Variants in MMP9 observed in about 807,000 individuals in gnomAD.
The protein encoded by MMP9 is matrix metallopeptidase 9, also known as matrix metalloproteinase-9.
MMP9 carries 73 observed loss-of-function variants against 76.4 expected under a neutral mutation model. That is an observed-to-expected ratio of 0.96 (90% CI 0.79 to 1.16). The LOEUF is 1.16. Among genes scored for constraint, MMP9 ranks in the 50% most tolerant of loss-of-function variants. The pLI is 0.00. For synonymous variants in MMP9, 412 were observed against 408.4 expected, an observed-to-expected ratio of 1.01 and a Z score of -0.11; for missense variants, 943 against 973.0, an observed-to-expected ratio of 0.97 and a Z score of 0.41.
At chr20:46,016,128 T>C in intron 12 of MMP9, 122 bp from the exon 13 acceptor site, 1 of 951,038 alleles carries the variant, frequency 1.1e-6, no homozygotes, top group Non-Finnish European at 1.7e-6. Context: ...ATGGAGGTGA[T>C]ATGTGAAAAC....
rs202080995 is a variant in MMP9, at chr20:46,012,168, G to C, written c.1029G>C (p.Ala343=). Residue 343 remains alanine, a synonymous_variant, in exon 7 of 13, where the codon GCG becomes GCC. Transcript: ENST00000372330. The part of the protein sequence containing the change: ...ADSTVMGGNS[A]GELCVFPFTF... ...CGACGGTGATGGGGGGCAACTCGGC[G>C]GGGGAGCTGTGCGTCTTCCCCTTCA... The C allele has an allele frequency of 1.2e-6, 2 of 1,614,052 alleles. No individual in the cohort carries two copies. The highest frequency in any genetic ancestry group is 1.7e-6 in the Non-Finnish European group (2 of 1,180,028).
chr20:46,010,343 A>AAAAAAAAAAAAAATT, intron 2 of MMP9, 140 bp from the exon 3 acceptor site: 1 of 926,564 alleles, frequency 1.1e-6, no homozygotes, highest in Non-Finnish European at 1.6e-6. Flanking sequence ...AAAAAAAAAC[A>AAAAAAAAAAAAAATT]GTCTGGAAGC....
chr20:46,010,331 A>AAAAAAAAAAAAC (rs2084269882), intron 2 of MMP9, 152 bp from the exon 3 acceptor site: 4 of 762,164 alleles, frequency 5.2e-6, no homozygotes, highest in Non-Finnish European at 8.2e-6. Flanking sequence ...CAAAAAAAAA[A>AAAAAAAAAAAAC]AAAAAAAAAA....
rs2084302035 is a variant in MMP9 at position 46,013,858 on chromosome 20, G to T, written c.1750+62G>T. ...CCCCATCAGTCAAGGAGGCTCAAGAGACCATCGATAACCCACGAAACGTCT... is the reference window on the plus strand; with the variant it reads ...CCCCATCAGTCAAGGAGGCTCAAGATACCATCGATAACCCACGAAACGTCT... On this transcript the variant is annotated intron_variant, in intron 10 of 12. Coordinates refer to ENST00000372330, the MANE Select transcript of MMP9 (RefSeq NM_004994.3). This position sits in a 1 kb window ranked among gnomAD's most constrained non-coding sequence, Gnocchi z 4.5. The T allele has an allele frequency of 1.2e-6, 2 of 1,603,760 alleles. No homozygotes were observed. Among genetic ancestry groups the T allele is most frequent in the African/African-American group, 2.7e-5 (2 of 74,820 alleles).
In MMP9 at chr20:46,013,130, G is replaced by C. The variant is rs2084294957; in HGVS notation, c.1331-125G>C. 1 of 1,120,676 alleles carries C rather than the reference G, an allele frequency of 8.9e-7. No homozygotes were observed. The highest frequency in any genetic ancestry group is 2.3e-5 in the East Asian group (1 of 42,650). The allele number at this position is 1,120,676 out of a possible 1,614,324, so 69.4% of individuals were successfully genotyped here. A position where few individuals can be genotyped will look rare whatever the true frequency, so the allele number is the denominator to read the frequency against. ...AAGAAAGTCCTGTGGTTTGGGAAGG[G>C]AGGCTGAGTGAGGAGGGGCCTGTGT... On this transcript the variant is annotated intron_variant, in intron 8 of 12. Transcript: ENST00000372330. The surrounding 1 kb of genome is among the most constrained non-coding windows in gnomAD (Gnocchi z 4.5).
chr20:46,016,232 C>A lies in MMP9; in HGVS notation c.2006-18C>A, dbSNP rs1420039062. Reference sequence around the variant, plus strand: ...GAGAATTAGAATCACTCCTCTTATGCCTGCCTGTCTCCTGCAGAGAAAGCC... The same window carrying A: ...GAGAATTAGAATCACTCCTCTTATGACTGCCTGTCTCCTGCAGAGAAAGCC... On this transcript the variant is annotated intron_variant, in intron 12 of 12. Transcript: ENST00000372330. The A allele has an allele frequency of 6.2e-7, 1 of 1,601,794 alleles. No individual in the cohort carries two copies. Among genetic ancestry groups the A allele is most frequent in the Non-Finnish European group, 8.6e-7 (1 of 1,168,742 alleles).
intron 6 of MMP9, 74 bp from the exon 7 acceptor site, chr20:46,012,045 CCACCAAGATTGTTTAGCT>C: frequency 6.6e-7 from 1 of 1,520,570 alleles, no homozygotes; most frequent in Non-Finnish European, 9.0e-7. Flanking sequence ...GCCCCCTAGG[CCACCAAGATTGTTTAGCT>C]CCCTGTCGGG....
intron 12 of MMP9, chr20:46,014,778 C>CA: frequency 2.1e-6 from 1 of 467,264 alleles, no homozygotes; most frequent in Non-Finnish European, 3.9e-6. Context: ...GATAATGTGC[C>CA]AGGCACTGTG....
chr20:46,009,302 G>A (rs2084261330), intron 1 of MMP9, among the ~76,000 whole-genome samples: 1 of 152,048 alleles, frequency 6.6e-6, no homozygotes, highest in Admixed American at 6.6e-5. Flanking sequence ...ATGGTTTGGG[G>A]TGGGGGAGGC....
At chr20:46,012,004 G>A in intron 6 of MMP9, 133 bp from the exon 7 acceptor site, 1 of 1,265,514 alleles carries the variant, frequency 7.9e-7, no homozygotes, top group Non-Finnish European at 1.1e-6. Flanking sequence ...CCGCCCACGG[G>A]TCTAGCCTCT....
rs1304730224 is a variant in MMP9 at position 46,010,339 on chromosome 20, A to C, written c.372-144A>C. 12 of 920,516 alleles carry C rather than the reference A, an allele frequency of 1.3e-5. No homozygotes were observed. The Admixed American group carries it at 1.3e-4, about 10-fold the overall frequency. The allele number at this position is 920,516 out of a possible 1,614,324, so 57.0% of individuals were successfully genotyped here. ...AAGTAGACAAAAAAAAAAAAAAAAA[A>C]AACAGTCTGGAAGCAATTTATAGAT... On this transcript the variant is annotated intron_variant, in intron 2 of 12. Transcript: ENST00000372330.
chr20:46,012,671 G>C, intron 8 of MMP9, 89 bp downstream of exon 8: 4 of 1,479,510 alleles, frequency 2.7e-6, no homozygotes, highest in African/African-American at 1.4e-5. Context: ...ATCGGGGGAG[G>C]AACGGGGCGT....
rs1322555632 is a variant in MMP9, at chr20:46,013,613, T to C, written c.1611-44T>C. 1.2e-6 allele frequency: 2 copies of C among 1,612,978 alleles called. No individual in the cohort carries two copies. Among genetic ancestry groups the C allele is most frequent in the Admixed American group, 1.7e-5 (1 of 59,982 alleles). On this transcript the variant is annotated intron_variant, in intron 9 of 12. Transcript: ENST00000372330. The surrounding 1 kb of genome is among the most constrained non-coding windows in gnomAD (Gnocchi z 4.5). ...CGTCCCTTCCCGCCCACTGGCCCTG[T>C]GTCCAAGGCTTAGAGCCCGTCCTTT...
Position 46,013,640 on chromosome 20 carries a change from C to T in MMP9, c.1611-17C>T. ...TCCAAGGCTTAGAGCCCGTCCTTTC[C>T]CTCCTCGCTTTCTCAGGAAGTACTG... On this transcript the variant is annotated splice_polypyrimidine_tract_variant and intron_variant, in intron 9 of 12. Coordinates refer to ENST00000372330, the MANE Select transcript of MMP9 (RefSeq NM_004994.3). This position sits in a 1 kb window ranked among gnomAD's most constrained non-coding sequence, Gnocchi z 4.5. 1 of 1,614,108 alleles carries T rather than the reference C, an allele frequency of 6.2e-7. No homozygotes were observed. Among genetic ancestry groups the T allele is most frequent in the Non-Finnish European group, 8.5e-7 (1 of 1,179,980 alleles).
chr20:46,010,628 G>A lies in MMP9; in HGVS notation c.517G>A (p.Ala173Thr), dbSNP rs777580909. Residue 173 changes from alanine to threonine, a missense_variant, in exon 3 of 13, where the codon GCG (alanine) becomes ACG (threonine). Physicochemically the swap from Ala to Thr is moderately conservative, Grantham distance 58. Coordinates refer to ENST00000372330, the MANE Select transcript of MMP9 (RefSeq NM_004994.3). ...AGACATCGTCATCCAGTTTGGTGTC[G>A]CGGGTGAGAACGTGAGGAGGGAAAA... ...DADIVIQFGV[A>T]EHGDGYPFDG... 3 of 1,613,092 alleles carry A rather than the reference G, an allele frequency of 1.9e-6. No homozygotes were observed. The highest frequency in any genetic ancestry group is 1.1e-5 in the South Asian group (1 of 90,948).
chr20:46,014,583 C>A, intron 12 of MMP9, 109 bp downstream of exon 12: 1 of 1,147,648 alleles, frequency 8.7e-7, no homozygotes, highest in Non-Finnish European at 1.3e-6. Flanking sequence ...AAACAAATGC[C>A]CCAGCACAGA....
chr20:46,011,045 G>C lies in MMP9; in HGVS notation c.644G>C (p.Gly215Ala). The C allele has an allele frequency of 6.2e-7, 1 of 1,610,206 alleles. No individual in the cohort carries two copies. Among genetic ancestry groups the C allele is most frequent in the Non-Finnish European group, 8.5e-7 (1 of 1,177,688 alleles). ...GACGAGTTGTGGTCCCTGGGCAAGG[G>C]CGTCGGTGAGATTCTGAGTCCTCCT... ...DDDELWSLGK[G>A]VVVPTRFGNA... The change falls in exon 4 of 13, where the codon GGC becomes GCC. Residue 215 changes from glycine (G) to alanine (A), a missense_variant. Transcript: ENST00000372330.
chr20:46,016,240 T>C lies in MMP9; in HGVS notation c.2006-10T>C. 6.2e-7 allele frequency: 1 copy of C among 1,611,650 alleles called. No homozygotes were observed. The highest frequency in any genetic ancestry group is 2.2e-5 in the East Asian group (1 of 44,878). On this transcript the variant is annotated splice_polypyrimidine_tract_variant and intron_variant, in intron 12 of 12. Coordinates refer to ENST00000372330, the MANE Select transcript of MMP9 (RefSeq NM_004994.3). ...GAATCACTCCTCTTATGCCTGCCTG[T>C]CTCCTGCAGAGAAAGCCTATTTCTG...
At chr20:46,010,879 G>T in intron 3 of MMP9, 43 bp from the exon 4 acceptor site, 1 of 1,614,160 alleles carries the variant, frequency 6.2e-7, no homozygotes, top group Non-Finnish European at 8.5e-7. Flanking sequence ...AATCTGCGCA[G>T]CAGTACTCGG....
Sources: allele counts gnomAD v4.1 joint callset (sites outside exome capture counted in the v4.1 genomes callset), GRCh38; gene constraint gnomAD v4.1.1; non-coding constraint Gnocchi (gnomAD v3.1); transcripts MANE v1.5; gene names NCBI Gene and HGNC (gene_info 2026-07-23, HGNC 2026-07-21).